The following PGM2L1 variants were observed in gnomAD, a reference collection of about 807,000 sequenced individuals.
PGM2L1 encodes phosphoglucomutase 2 like 1.
A neutral mutation model predicts 73.4 loss-of-function variants in PGM2L1; 35 were observed. That is an observed-to-expected ratio of 0.48 (90% CI 0.36 to 0.63). The LOEUF (loss-of-function observed/expected upper bound fraction) is 0.63. Ranked by LOEUF, PGM2L1 falls within the 30% of genes least tolerant of loss-of-function variation. PGM2L1 has a pLI of 0.00. For synonymous variants in PGM2L1, 225 were observed against 253.8 expected (o/e 0.89, Z 1.08); for missense variants, 570 against 742.0 (o/e 0.77, Z 2.69).
chr11:74,346,194 G>C (rs1862260596), intron 8 of PGM2L1, among the ~76,000 whole-genome samples: 3 of 148,930 alleles, frequency 2.0e-5, no homozygotes, highest in Admixed American at 6.7e-5. Context: ...AACCTGGGAG[G>C]CAGAGGCTGC....
intron 1 of PGM2L1, among the ~76,000 whole-genome samples, chr11:74,396,635 C>T (rs2134961684): frequency 6.6e-6 from 1 of 152,174 alleles, no homozygotes; most frequent in South Asian, 2.1e-4. Flanking sequence ...AGGATGGTCT[C>T]GATCTCCTGA....
intron 5 of PGM2L1, chr11:74,354,366 G>T (rs7945908): frequency 0.61 from 325,741 of 536,988 alleles, 102,933 homozygotes; most frequent in East Asian, 0.75. Flanking sequence ...TTAAAAAAAC[G>T]TTTAGGTCAG....
chr11:74,371,744 C>G lies in PGM2L1; in HGVS notation c.353G>C (p.Arg118Pro). The change falls in exon 3 of 14, where the codon CGG becomes CCG. Residue 118 changes from arginine to proline, a missense_variant. Arg to Pro is a moderately radical substitution (Grantham distance 103, BLOSUM62 -2). Transcript: ENST00000298198. The stretch of plus-strand genomic sequence containing the variant: ...GCTGCAGCTGCTAGTTACTTGACCC[C>G]GAGTGTCATACCCAACCACAAAGCC... Reference protein sequence around the residue: ...QRGFVVGYDTRGQVTSSCSSQ... With the variant: ...QRGFVVGYDTPGQVTSSCSSQ... The G allele has an allele frequency of 6.2e-7, 1 of 1,613,852 alleles. No individual in the cohort carries two copies. The highest frequency in any genetic ancestry group is 1.1e-5 in the South Asian group (1 of 91,070).
intron 1 of PGM2L1, among the ~76,000 whole-genome samples, chr11:74,380,549 A>G (rs1396763131): frequency 1.3e-5 from 2 of 152,192 alleles, no homozygotes; most frequent in African/African-American, 4.8e-5. Flanking sequence ...CATGAAATGA[A>G]GTACTAATTA....
chr11:74,387,979 ACT>A lies in PGM2L1; in HGVS notation c.111+10070_111+10071del, dbSNP rs201464722. On this transcript the variant is annotated intron_variant, in intron 1 of 13. Coordinates refer to ENST00000298198, the MANE Select transcript of PGM2L1 (RefSeq NM_173582.6). ...ACTTGTAAAATGCAGTTTTGCTTTA[ACT>A]CTTTTTTTACATATATGGCATCAAA... 8.4e-3 allele frequency among the ~76,000 whole-genome samples: 1,281 copies of A among 152,190 alleles called. 10 individuals carry two copies. Among genetic ancestry groups the A allele is most frequent in the Non-Finnish European group, 0.012 (789 of 68,000 alleles).
intron 5 of PGM2L1, chr11:74,354,964 A>G: frequency 2.0e-6 from 2 of 1,010,620 alleles, no homozygotes; most frequent in African/African-American, 1.6e-5. Context: ...AATGGCCACA[A>G]CTGTGAAGTC....
intron 4 of PGM2L1, among the ~76,000 whole-genome samples, chr11:74,370,290 A>C (rs943560540): frequency 7.9e-5 from 12 of 152,090 alleles, no homozygotes; most frequent in African/African-American, 2.9e-4. Flanking sequence ...TGGCTTGTAC[A>C]GCTGTCTTTA....
At chr11:74,339,908 C>T in intron 12 of PGM2L1, among the ~76,000 whole-genome samples, 1 of 152,192 alleles carries the variant, frequency 6.6e-6, no homozygotes, top group East Asian at 1.9e-4. Context: ...CAGAACAGTT[C>T]TCTAGAAAGT....
intron 1 of PGM2L1, among the ~76,000 whole-genome samples, chr11:74,383,202 T>C (rs966305974): frequency 5.3e-5 from 8 of 152,176 alleles, no homozygotes; most frequent in African/African-American, 1.9e-4. Context: ...GATGTAATAA[T>C]ACATTAAAAT....
chr11:74,353,650 G>C (rs894819898), intron 5 of PGM2L1, among the ~76,000 whole-genome samples: 1 of 151,660 alleles, frequency 6.6e-6, no homozygotes, highest in African/African-American at 2.4e-5. Flanking sequence ...CAAGGGGCTG[G>C]GGGTAAGGCC....
intron 5 of PGM2L1, among the ~76,000 whole-genome samples, chr11:74,367,966 A>G (rs1318818345): frequency 6.6e-6 from 1 of 152,114 alleles, no homozygotes; most frequent in Non-Finnish European, 1.5e-5. Context: ...CTTATGACCC[A>G]CCCAGAAGCC....
At chr11:74,343,245 C>T (rs1303644893) in intron 10 of PGM2L1, 78 bp downstream of exon 10, 1 of 1,461,796 alleles carries the variant, frequency 6.8e-7, no homozygotes, top group African/African-American at 1.5e-5. Flanking sequence ...GAAACCAGAA[C>T]ACAAAAAACT....
At chr11:74,384,459 G>T (rs781132617) in intron 1 of PGM2L1, among the ~76,000 whole-genome samples, 2 of 151,848 alleles carry the variant, frequency 1.3e-5, no homozygotes, top group Non-Finnish European at 2.9e-5. Flanking sequence ...AAATATAGGA[G>T]CCCTTGCCGG....
intron 1 of PGM2L1, among the ~76,000 whole-genome samples, chr11:74,389,825 C>T (rs1321696821): frequency 1.4e-5 from 2 of 146,912 alleles, no homozygotes; most frequent in Admixed American, 6.8e-5. Flanking sequence ...AGGAACTGGC[C>T]GGGTGCGGTG....
intron 1 of PGM2L1, among the ~76,000 whole-genome samples, chr11:74,385,494 C>A (rs114539058): frequency 8.5e-4 from 130 of 152,184 alleles, no homozygotes; most frequent in African/African-American, 3.0e-3. Context: ...ACTTTGGAAT[C>A]TAACTCCTAA....
In PGM2L1 at chr11:74,333,018, T is replaced by C. The variant is rs184479829; in HGVS notation, c.*3634A>G. ...ATCAGTTACTCAAAACACACAAAAATTGTTTTGTGAGCTAAATTCTTCTAG... is the reference window on the plus strand; with the variant it reads ...ATCAGTTACTCAAAACACACAAAAACTGTTTTGTGAGCTAAATTCTTCTAG... On this transcript the variant is annotated 3_prime_UTR_variant, in exon 14 of 14. Transcript: ENST00000298198. The C allele has an allele frequency of 6.6e-6, 1 of 152,440 alleles. No individual in the cohort carries two copies. Among genetic ancestry groups the C allele is most frequent in the African/African-American group, 2.4e-5 (1 of 41,542 alleles). 9.4% of individuals were successfully genotyped at this position (152,440 alleles called of 1,614,324 possible). A position where few individuals can be genotyped will look rare whatever the true frequency, so the allele number is the denominator to read the frequency against.
In PGM2L1 at chr11:74,357,322, T is replaced by G. The variant is rs933502185; in HGVS notation, c.556-5746A>C. ...GCGAAAGATGTATCTGAAAAAGGACTGTTATCCAAAATATATAAAGAATTC... is the reference window on the plus strand; with the variant it reads ...GCGAAAGATGTATCTGAAAAAGGACGGTTATCCAAAATATATAAAGAATTC... On this transcript the variant is annotated intron_variant, in intron 5 of 13. Coordinates refer to ENST00000298198, the MANE Select transcript of PGM2L1 (RefSeq NM_173582.6). Among the ~76,000 whole-genome samples the G allele has an allele frequency of 3.9e-5, 6 of 152,232 alleles. 1 individual carries two copies. The South Asian group carries it at 6.2e-4, about 16-fold the overall frequency.
At chr11:74,375,380 T>C (rs1404992871) in intron 1 of PGM2L1, among the ~76,000 whole-genome samples, 1 of 152,158 alleles carries the variant, frequency 6.6e-6, no homozygotes, top group Non-Finnish European at 1.5e-5. Context: ...GAATATCAAA[T>C]TTCAAATAGA....
intron 5 of PGM2L1, among the ~76,000 whole-genome samples, chr11:74,357,779 G>A (rs573039236): frequency 7.0e-4 from 106 of 152,312 alleles, no homozygotes; most frequent in Non-Finnish European, 1.2e-3. Flanking sequence ...AATCTATGAT[G>A]TTCTTCAGTA....
Sources: gnomAD v4.1 joint callset for allele counts (sites outside exome capture counted in the v4.1 genomes callset) on GRCh38, gnomAD v4.1.1 for gene constraint, MANE v1.5 for transcripts, NCBI Gene and HGNC (gene_info 2026-07-23, HGNC 2026-07-21) for gene names.